The following KHDRBS3 variants were observed in gnomAD, a reference collection of about 807,000 sequenced individuals.
KHDRBS3 encodes the protein KH RNA binding domain containing, signal transduction associated 3.
A neutral mutation model predicts 45.6 loss-of-function variants in KHDRBS3; 23 were observed. The ratio of observed to expected loss-of-function variants is 0.50; its 90% confidence interval spans 0.36 to 0.72. KHDRBS3 has a LOEUF of 0.72. Among genes scored for constraint, KHDRBS3 ranks in the 30% least tolerant of loss-of-function variants. The pLI is 0.00. For missense variants in KHDRBS3, 352 were observed against 424.8 expected, an observed-to-expected ratio of 0.83 and a Z score of 1.51; for synonymous variants, 162 against 156.5, an observed-to-expected ratio of 1.04 and a Z score of -0.26.
intron 1 of KHDRBS3, chr8:135,458,956 GAA>G (rs1311246792): frequency 2.2e-6 from 1 of 456,114 alleles, no homozygotes; most frequent in Non-Finnish European, 4.4e-6. Flanking sequence ...ACTTTTCCTG[GAA>G]TATGTGTTTC....
At chr8:135,459,505 T>A (rs1217361076) in intron 1 of KHDRBS3, among the ~76,000 whole-genome samples, 1 of 152,256 alleles carries the variant, frequency 6.6e-6, no homozygotes, top group African/African-American at 2.4e-5. Context: ...CTCCTGTGCC[T>A]GATGATTTAC....
At chr8:135,560,765 G>A (rs1827130408) in intron 5 of KHDRBS3, among the ~76,000 whole-genome samples, 1 of 152,144 alleles carries the variant, frequency 6.6e-6, no homozygotes, top group Non-Finnish European at 1.5e-5. Flanking sequence ...TTCTGTGATA[G>A]CATTATTTTT....
At position 135,536,234 on chromosome 8, in the gene KHDRBS3, G is replaced by GTTT. The variant is rs374782370; in HGVS notation, c.208-6394_208-6392dup. Among the ~76,000 whole-genome samples the GTTT allele has an allele frequency of 8.7e-3, 755 of 86,354 alleles. 44 individuals carry two copies. Among genetic ancestry groups the GTTT allele is most frequent in the South Asian group, 0.021 (33 of 1,568 alleles). 56.7% of individuals were successfully genotyped at this position (86,354 alleles called of 152,430 possible). On this transcript the variant is annotated intron_variant, in intron 2 of 8. Coordinates refer to ENST00000355849, the MANE Select transcript of KHDRBS3 (RefSeq NM_006558.3). ...TCAGTGTTAATTTGCTTTCTGTCCA[G>GTTT]TTTTTTTTTTTTTTTTTTTTTTTTT...
intron 7 of KHDRBS3, among the ~76,000 whole-genome samples, chr8:135,637,933 G>A (rs1383850566): frequency 6.6e-6 from 1 of 152,192 alleles, no homozygotes; most frequent in African/African-American, 2.4e-5. Context: ...GATGGACTAA[G>A]AGCCTATATC....
rs1308829080 is a variant in KHDRBS3 at position 135,496,095 on chromosome 8, G to A, written c.89-25142G>A. 2.7e-5 allele frequency among the ~76,000 whole-genome samples: 4 copies of A among 148,426 alleles called. No individual in the cohort carries two copies. In the East Asian group the frequency reaches 5.9e-4, roughly 22 times the overall value. ...ACACTGAATCCTTGAGCTGAGGGGT[G>A]CATTTAACTACAGCTAGAGAGATAT... On this transcript the variant is annotated intron_variant, in intron 1 of 8. Coordinates refer to ENST00000355849, the MANE Select transcript of KHDRBS3 (RefSeq NM_006558.3).
chr8:135,458,939 G>GC, intron 1 of KHDRBS3: 1 of 456,286 alleles, frequency 2.2e-6, no homozygotes, highest in Non-Finnish European at 4.4e-6. Context: ...CCTGGGAGCA[G>GC]TCTCCTACTT....
At chr8:135,482,420 C>T (rs935140076) in intron 1 of KHDRBS3, among the ~76,000 whole-genome samples, 12 of 151,830 alleles carry the variant, frequency 7.9e-5, no homozygotes, top group South Asian at 2.1e-4. Context: ...AGCCTTAGTA[C>T]GTAAGAAAAG....
intron 4 of KHDRBS3, among the ~76,000 whole-genome samples, chr8:135,556,163 C>A (rs1047839656): frequency 1.3e-5 from 2 of 152,170 alleles, no homozygotes; most frequent in Non-Finnish European, 2.9e-5. Context: ...GGTTCCAAGT[C>A]TTTGCTGTTG....
At chr8:135,590,274 G>A (rs1476228824) in intron 6 of KHDRBS3, among the ~76,000 whole-genome samples, 2 of 152,222 alleles carry the variant, frequency 1.3e-5, no homozygotes, top group African/African-American at 2.4e-5. Context: ...AAAATCTTAC[G>A]GCTCCACTGT....
chr8:135,568,401 A>G (rs1342490733), intron 5 of KHDRBS3, among the ~76,000 whole-genome samples: 1 of 152,166 alleles, frequency 6.6e-6, no homozygotes, highest in East Asian at 1.9e-4. Context: ...CTTTCCCCTA[A>G]ATTCCACTAA....
intron 7 of KHDRBS3, among the ~76,000 whole-genome samples, chr8:135,637,963 T>C (rs899582601): frequency 6.6e-6 from 1 of 152,158 alleles, no homozygotes; most frequent in Non-Finnish European, 1.5e-5. Flanking sequence ...CACCCCTCCT[T>C]TTTAAAATCC....
At chr8:135,556,200 G>A (rs1169256663) in intron 4 of KHDRBS3, among the ~76,000 whole-genome samples, 1 of 152,170 alleles carries the variant, frequency 6.6e-6, no homozygotes, top group African/African-American at 2.4e-5. Flanking sequence ...AAACATACAT[G>A]TGCATGTGTC....
intron 7 of KHDRBS3, among the ~76,000 whole-genome samples, chr8:135,639,021 A>T (rs1043068378): frequency 1.3e-5 from 2 of 152,024 alleles, no homozygotes; most frequent in African/African-American, 4.8e-5. Flanking sequence ...ACCAGGAAGT[A>T]TAACATCCTG....
intron 6 of KHDRBS3, among the ~76,000 whole-genome samples, chr8:135,590,470 C>T (rs951778313): frequency 2.0e-5 from 3 of 152,170 alleles, no homozygotes; most frequent in African/African-American, 7.2e-5. Flanking sequence ...GCAGGTTAGT[C>T]TAAATGACGT....
intron 1 of KHDRBS3, among the ~76,000 whole-genome samples, chr8:135,463,944 GC>G (rs1821564832): frequency 1.3e-5 from 2 of 152,134 alleles, no homozygotes; most frequent in African/African-American, 4.8e-5. Context: ...TGCTTTCTGT[GC>G]ATTCTCTCCC....
At chr8:135,556,599 ATTTG>A (rs1180773192) in intron 4 of KHDRBS3, among the ~76,000 whole-genome samples, 5 of 152,234 alleles carry the variant, frequency 3.3e-5, no homozygotes, top group South Asian at 2.1e-4. Flanking sequence ...CTTCTTGTAA[ATTTG>A]TTTAAGTTCT....
chr8:135,512,159 T>G (rs1286263132), intron 1 of KHDRBS3, among the ~76,000 whole-genome samples: 1 of 152,188 alleles, frequency 6.6e-6, no homozygotes, highest in African/African-American at 2.4e-5. Context: ...GTGAAAACAT[T>G]TGTCATGTTG....
intron 2 of KHDRBS3, among the ~76,000 whole-genome samples, chr8:135,533,381 G>A (rs1825577707): frequency 6.6e-6 from 1 of 152,142 alleles, no homozygotes; most frequent in Non-Finnish European, 1.5e-5. Context: ...CTCAGTTGGA[G>A]CTATTTCTCT....
At chr8:135,458,060 G>C in intron 1 of KHDRBS3, 106 bp downstream of exon 1, 2 of 1,410,490 alleles carry the variant, frequency 1.4e-6, no homozygotes, top group Non-Finnish European at 1.8e-6. Context: ...CGGACGCGGC[G>C]GAGACGGAGG....
Sources: allele counts gnomAD v4.1 joint callset (sites outside exome capture counted in the v4.1 genomes callset), GRCh38; gene constraint gnomAD v4.1.1; transcripts MANE v1.5; gene names NCBI Gene and HGNC (gene_info 2026-07-23, HGNC 2026-07-21).